The following METTL15 variants were observed in gnomAD, a reference collection of about 807,000 sequenced individuals.
METTL15 encodes the protein 12S rRNA N(4)-cytidine methyltransferase METTL15.
METTL15 carries 34 observed loss-of-function variants against 38.3 expected under a neutral mutation model. That is an observed-to-expected ratio of 0.89 (90% confidence interval 0.68 to 1.18). METTL15 has a LOEUF of 1.18. Ranked by LOEUF, METTL15 falls within the 50% of genes most tolerant of loss-of-function variation. The pLI is 0.00. For synonymous variants in METTL15, 162 were observed against 170.9 expected (o/e 0.95, Z 0.41); for missense variants, 438 against 498.4 (o/e 0.88, Z 1.15).
chr11:28,430,758 C>T (rs1179284454), intron 6 of METTL15, among the ~76,000 whole-genome samples: 2 of 112,990 alleles, frequency 1.8e-5, no homozygotes, highest in African/African-American at 3.3e-5. Flanking sequence ...CCAGCCGCCC[C>T]GTCTGGGAGG....
chr11:28,305,240 T>C (rs540226420), intron 6 of METTL15, among the ~76,000 whole-genome samples: 2 of 152,264 alleles, frequency 1.3e-5, no homozygotes, highest in East Asian at 3.9e-4. Flanking sequence ...TGAGTAACTT[T>C]TCCTAAAAAA....
intron 4 of METTL15, among the ~76,000 whole-genome samples, chr11:28,359,343 C>T (rs1850116524): frequency 6.6e-6 from 1 of 152,108 alleles, no homozygotes; most frequent in East Asian, 1.9e-4. Context: ...TTGATGGGCA[C>T]CTAGGTTGAT....
chr11:28,310,687 G>A (rs556956448), intron 6 of METTL15, among the ~76,000 whole-genome samples: 8 of 152,084 alleles, frequency 5.3e-5, no homozygotes, highest in African/African-American at 1.9e-4. Flanking sequence ...CTATTTTCTA[G>A]TCTGAGCTAT....
chr11:28,502,691 A>T (rs917963331), intron 6 of METTL15, among the ~76,000 whole-genome samples: 9 of 152,072 alleles, frequency 5.9e-5, no homozygotes, highest in East Asian at 1.9e-4. Context: ...AAAAGAAATA[A>T]TTTTTTTCCC....
intron 5 of METTL15, among the ~76,000 whole-genome samples, chr11:28,387,076 G>A (rs913771432): frequency 6.6e-6 from 1 of 151,864 alleles, no homozygotes; most frequent in Non-Finnish European, 1.5e-5. Context: ...GCTCTGGAAG[G>A]CTATAGTCAT....
intron 5 of METTL15, among the ~76,000 whole-genome samples, chr11:28,413,019 C>T (rs1850742272): frequency 6.6e-6 from 1 of 151,870 alleles, no homozygotes; most frequent in South Asian, 2.1e-4. Context: ...TAATACATCC[C>T]ATAATATCAT....
intron 6 of METTL15, among the ~76,000 whole-genome samples, chr11:28,445,970 G>A (rs6484372): frequency 0.46 from 70,150 of 151,826 alleles, 16,831 homozygotes; most frequent in Admixed American, 0.55. Flanking sequence ...ATTTTATATT[G>A]TGTCCCTGAA....
At chr11:28,499,776 A>G (rs1416678754) in intron 6 of METTL15, among the ~76,000 whole-genome samples, 1 of 152,148 alleles carries the variant, frequency 6.6e-6, no homozygotes. Context: ...ACTCTCAAAA[A>G]TTTCAGTGTC....
intron 5 of METTL15, among the ~76,000 whole-genome samples, chr11:28,365,009 C>T (rs961610665): frequency 6.6e-6 from 1 of 152,188 alleles, no homozygotes; most frequent in Admixed American, 6.5e-5. Flanking sequence ...ACCAACTTTG[C>T]ATCCCAGAAA....
intron 3 of METTL15, among the ~76,000 whole-genome samples, chr11:28,150,725 A>C (rs917674672): frequency 6.6e-6 from 1 of 151,918 alleles, no homozygotes; most frequent in Non-Finnish European, 1.5e-5. Context: ...AATCCTGCTC[A>C]TTAGGGTTGG....
intron 4 of METTL15, among the ~76,000 whole-genome samples, chr11:28,221,144 C>A (rs983712183): frequency 6.6e-6 from 1 of 152,144 alleles, no homozygotes; most frequent in Non-Finnish European, 1.5e-5. Context: ...TGGATAGTAT[C>A]CTGCAGACTG....
At chr11:28,156,201 G>A (rs939354777) in intron 3 of METTL15, among the ~76,000 whole-genome samples, 3 of 152,084 alleles carry the variant, frequency 2.0e-5, no homozygotes, top group African/African-American at 7.2e-5. Flanking sequence ...TCATCCCTTG[G>A]TCTTTACAGA....
chr11:28,231,658 C>T (rs1853689668), intron 4 of METTL15, among the ~76,000 whole-genome samples: 2 of 151,864 alleles, frequency 1.3e-5, no homozygotes, highest in South Asian at 4.1e-4. Context: ...CATTAGCTCA[C>T]AATGTTGTGT....
intron 6 of METTL15, among the ~76,000 whole-genome samples, chr11:28,503,906 C>G (rs955514706): frequency 6.6e-6 from 1 of 151,700 alleles, no homozygotes; most frequent in African/African-American, 2.4e-5. Context: ...TTAAGAATTG[C>G]AAACTTAGGC....
At chr11:28,388,776 A>C (rs1850468589) in intron 5 of METTL15, among the ~76,000 whole-genome samples, 1 of 152,050 alleles carries the variant, frequency 6.6e-6, no homozygotes, top group South Asian at 2.1e-4. Context: ...GGTGTGCTGC[A>C]CCCATTAACT....
At chr11:28,287,452 C>A (rs974217210) in intron 4 of METTL15, 7 of 429,806 alleles carry the variant, frequency 1.6e-5, no homozygotes, top group Non-Finnish European at 2.8e-5. Flanking sequence ...AACAATTTTC[C>A]TAGCAATGTG....
intron 5 of METTL15, among the ~76,000 whole-genome samples, chr11:28,381,622 G>A (rs11030308): frequency 1.3e-5 from 2 of 151,674 alleles, no homozygotes; most frequent in Middle Eastern, 3.4e-3. Context: ...TCTTTCCTCT[G>A]CTAGATTCTT....
chr11:28,254,896 AGTGATT>A (rs1854909413), intron 4 of METTL15, among the ~76,000 whole-genome samples: 1 of 151,964 alleles, frequency 6.6e-6, no homozygotes, highest in African/African-American at 2.4e-5. Context: ...GTGAGGTAAG[AGTGATT>A]GCTTTAGTTT....
At chr11:28,521,624 G>T (rs781492397) in intron 6 of METTL15, among the ~76,000 whole-genome samples, 18 of 152,050 alleles carry the variant, frequency 1.2e-4, no homozygotes, top group Non-Finnish European at 1.9e-4. Context: ...GTAAACTCCA[G>T]CGCTGACCTT....
Sources: allele counts gnomAD v4.1 joint callset (sites outside exome capture counted in the v4.1 genomes callset), GRCh38; gene constraint gnomAD v4.1.1; transcripts MANE v1.5; gene names NCBI Gene and HGNC (gene_info 2026-07-23, HGNC 2026-07-21).